Variants in ZFHX3 observed in about 807,000 individuals in gnomAD.
ZFHX3 encodes the protein zinc finger homeobox protein 3.
Under a neutral mutation model 279.1 loss-of-function variants are expected in ZFHX3, and 42 were observed. That is an observed-to-expected ratio of 0.15 (90% CI 0.12 to 0.19). The LOEUF (loss-of-function observed/expected upper bound fraction) is 0.19. Among genes scored for constraint, ZFHX3 ranks in the 10% least tolerant of loss-of-function variants. ZFHX3 has a pLI of 1.00. For missense variants in ZFHX3, 4,981 were observed against 4,754.0 expected, an observed-to-expected ratio of 1.05 and a Z score of -1.40; for synonymous variants, 2,293 against 1,957.8, an observed-to-expected ratio of 1.17 and a Z score of -4.52.
intron 4 of ZFHX3, among the ~76,000 whole-genome samples, chr16:73,265,078 C>CGTGTGTGT (rs72075949): frequency 0.1 from 15,058 of 145,888 alleles, 906 homozygotes; most frequent in Non-Finnish European, 0.14. Flanking sequence ...CGCATATATG[C>CGTGTGTGT]GTGTGTGTGT....
chr16:73,536,781 G>C (rs928697881), intron 2 of ZFHX3, among the ~76,000 whole-genome samples: 6 of 152,116 alleles, frequency 3.9e-5, no homozygotes, highest in African/African-American at 9.7e-5. Context: ...GGATTTGTCA[G>C]AGGACTATGT....
chr16:73,856,425 C>T (rs933096797), intron 1 of ZFHX3, among the ~76,000 whole-genome samples: 1 of 152,152 alleles, frequency 6.6e-6, no homozygotes, highest in Non-Finnish European at 1.5e-5. Flanking sequence ...TCCCCCCAAC[C>T]CCCACCCCTT....
chr16:73,515,217 A>G (rs1384042718), intron 2 of ZFHX3, among the ~76,000 whole-genome samples: 6 of 152,168 alleles, frequency 3.9e-5, no homozygotes, highest in Non-Finnish European at 8.8e-5. Flanking sequence ...AAACTTAACA[A>G]GTCTTCTCAT....
At chr16:73,455,391 A>AG (rs2018354336) in intron 3 of ZFHX3, among the ~76,000 whole-genome samples, 1 of 152,054 alleles carries the variant, frequency 6.6e-6, no homozygotes, top group South Asian at 2.1e-4. Context: ...ATAAAGACCC[A>AG]GGGGGCTAAA....
At chr16:73,666,896 C>T (rs879426956) in intron 2 of ZFHX3, among the ~76,000 whole-genome samples, 2 of 151,986 alleles carry the variant, frequency 1.3e-5, no homozygotes, top group Non-Finnish European at 2.9e-5. Context: ...TTTCACTTAA[C>T]ACAATGCCTA....
At chr16:73,388,656 G>A (rs2016949893) in intron 3 of ZFHX3, among the ~76,000 whole-genome samples, 1 of 152,128 alleles carries the variant, frequency 6.6e-6, no homozygotes, top group South Asian at 2.1e-4. Flanking sequence ...TTCCTCCTGA[G>A]AGTCGAAGAC....
intron 3 of ZFHX3, among the ~76,000 whole-genome samples, chr16:72,898,995 A>C (rs982971303): frequency 6.6e-6 from 1 of 152,146 alleles, no homozygotes; most frequent in Admixed American, 6.5e-5. Context: ...GGGTCCCACC[A>C]AGCTAACCTC....
intron 3 of ZFHX3, among the ~76,000 whole-genome samples, chr16:73,383,612 G>A (rs934777811): frequency 6.0e-5 from 9 of 149,768 alleles, no homozygotes; most frequent in Admixed American, 4.1e-4. Context: ...CATCTTTGTG[G>A]AGGCCTCTCT....
At chr16:72,825,996 CAGA>C (rs1448654754) in intron 5 of ZFHX3, among the ~76,000 whole-genome samples, 9 of 152,102 alleles carry the variant, frequency 5.9e-5, no homozygotes, top group Non-Finnish European at 5.9e-5. Flanking sequence ...CTGAAATCCC[CAGA>C]AGAATGTTAG....
At chr16:73,890,074 G>T (rs2030478915) in intron 1 of ZFHX3, among the ~76,000 whole-genome samples, 1 of 151,946 alleles carries the variant, frequency 6.6e-6, no homozygotes, top group South Asian at 2.1e-4. Context: ...CTATACTCTA[G>T]GAAGTCCATT....
In ZFHX3 at chr16:73,673,534, C is replaced by A. The variant is rs566108321; in HGVS notation, c.-1547+6646G>T. Among the ~76,000 whole-genome samples, 4 of 152,006 alleles carry A rather than the reference C, an allele frequency of 2.6e-5. No individual in the cohort carries two copies. The East Asian group carries it at 7.7e-4, about 29-fold the overall frequency. On this transcript the variant is annotated intron_variant, in intron 2 of 17. Transcript: ENST00000641206. ...CCTTGGGCTCTCACAGTCTGCCACC[C>A]GAGATAAAAAAGCTAGCAGCTGTCT...
rs761344900 is a variant in ZFHX3, at chr16:72,787,713, G to GCCGCCA, written c.10557_10562dup (p.Gly3526_Gly3527dup). The GCCGCCA allele has an allele frequency of 1.9e-4, 261 of 1,385,140 alleles. 2 individuals are homozygous for GCCGCCA. Among genetic ancestry groups the GCCGCCA allele is most frequent in the Admixed American group, 1.3e-3 (50 of 39,678 alleles). 85.8% of individuals were successfully genotyped at this position (1,385,140 alleles called of 1,614,324 possible). On this transcript the variant is annotated inframe_insertion, in exon 10 of 10. Coordinates refer to ENST00000268489, the MANE Select transcript of ZFHX3 (RefSeq NM_006885.4). ...GGTACGAGCCGCCGCCGCCGCCGCC[G>GCCGCCA]CCGCCACCGCCGCCGCCGCCGCCAC...
At chr16:72,905,882 C>T (rs1161172502) in intron 3 of ZFHX3, among the ~76,000 whole-genome samples, 1 of 152,184 alleles carries the variant, frequency 6.6e-6, no homozygotes, top group Non-Finnish European at 1.5e-5. Context: ...AATTTCCTGT[C>T]CTCCTAATCT....
At chr16:73,799,356 C>G (rs1283576160) in intron 1 of ZFHX3, among the ~76,000 whole-genome samples, 2 of 152,100 alleles carry the variant, frequency 1.3e-5, no homozygotes, top group Non-Finnish European at 2.9e-5. Context: ...GGTGAATTCC[C>G]AAGTAGGCCC....
chr16:73,316,879 C>A (rs2015460932), intron 4 of ZFHX3, among the ~76,000 whole-genome samples: 1 of 152,132 alleles, frequency 6.6e-6, no homozygotes, highest in South Asian at 2.1e-4. Context: ...GTTTCTTGAG[C>A]TAAGGGGAGG....
chr16:73,325,918 C>CACAAAA (rs1555510196), intron 3 of ZFHX3, among the ~76,000 whole-genome samples: 3 of 66,704 alleles, frequency 4.5e-5, no homozygotes, highest in South Asian at 4.9e-4. Flanking sequence ...CACACACACA[C>CACAAAA]ACACACACAA....
intron 1 of ZFHX3, among the ~76,000 whole-genome samples, chr16:72,981,990 C>G (rs1255121346): frequency 1.3e-5 from 2 of 150,938 alleles, no homozygotes; most frequent in Non-Finnish European, 2.9e-5. Flanking sequence ...TCAAGCGATT[C>G]TCCTGCTTCA....
chr16:73,760,088 T>A (rs1226288877), intron 1 of ZFHX3, among the ~76,000 whole-genome samples: 1 of 150,336 alleles, frequency 6.7e-6, no homozygotes. Context: ...ATCAAGTAGA[T>A]ACAATAAAAA....
chr16:73,297,100 A>G (rs1252931928), intron 4 of ZFHX3, among the ~76,000 whole-genome samples: 9 of 151,796 alleles, frequency 5.9e-5, no homozygotes, highest in Admixed American at 4.6e-4. Flanking sequence ...GATGGTCTCG[A>G]TCCCCTGACC....
Sources: allele counts gnomAD v4.1 joint callset (sites outside exome capture counted in the v4.1 genomes callset), GRCh38; gene constraint gnomAD v4.1.1; transcripts MANE v1.5; gene names NCBI Gene and HGNC (gene_info 2026-07-23, HGNC 2026-07-21).